CHIC1: variants seen among roughly 807,000 people sequenced by gnomAD.
CHIC1 encodes the protein cysteine rich hydrophobic domain 1.
Under a neutral mutation model 18.5 loss-of-function variants are expected in CHIC1, and 7 were observed. The observed-to-expected ratio is 0.38, with a 90% CI of 0.22 to 0.71. The LOEUF (loss-of-function observed/expected upper bound fraction) is 0.71. CHIC1 is among the 30% of genes least tolerant of loss of function. CHIC1 has a pLI of 0.49. For missense variants in CHIC1, 159 were observed against 176.9 expected (o/e 0.90, Z 0.57); for synonymous variants, 77 against 73.5 (o/e 1.05, Z -0.25).
intron 1 of CHIC1, among the ~76,000 whole-genome samples, chrX:73,575,440 G>A (rs922863361): frequency 1.8e-5 from 2 of 109,864 alleles, no homozygotes; most frequent in Non-Finnish European, 3.8e-5. Flanking sequence ...ACATCATAGA[G>A]TGTACTTACA....
At chrX:73,648,190 A>C (rs941101213) in intron 3 of CHIC1, among the ~76,000 whole-genome samples, 3 of 109,903 alleles carry the variant, frequency 2.7e-5, no homozygotes, top group African/African-American at 9.9e-5. Flanking sequence ...GTACCAACAA[A>C]AACCCCAAGG....
In CHIC1 at chrX:73,661,463, G is replaced by A. The variant is rs936470990; in HGVS notation, c.508-17863G>A. Among the ~76,000 whole-genome samples, 7 of 111,804 alleles carry A rather than the reference G, an allele frequency of 6.3e-5. No homozygotes were observed. The Admixed American group carries it at 6.7e-4, about 11-fold the overall frequency. On this transcript the variant is annotated intron_variant, in intron 3 of 5. Transcript: ENST00000373502. ...TCTCTGGGTAAGTTGAAATTGTTAA[G>A]TTTCTCCAATTTTGGTGGAAAAATT... is the stretch of plus-strand genomic sequence containing the variant.
At chrX:73,606,490 C>G (rs913770513) in intron 3 of CHIC1, among the ~76,000 whole-genome samples, 2 of 107,444 alleles carry the variant, frequency 1.9e-5, no homozygotes, top group African/African-American at 3.6e-5. Flanking sequence ...TCTGTCACTT[C>G]GCCAAACTTC....
chrX:73,670,589 C>A (rs1352018687), intron 3 of CHIC1, among the ~76,000 whole-genome samples: 2 of 106,845 alleles, frequency 1.9e-5, no homozygotes, highest in South Asian at 3.9e-4. Context: ...TATATTCTTT[C>A]TTCTATTCTT....
At chrX:73,577,162 A>T (rs1462395818) in intron 1 of CHIC1, among the ~76,000 whole-genome samples, 1 of 110,406 alleles carries the variant, frequency 9.1e-6, no homozygotes, top group African/African-American at 3.3e-5. Context: ...TTAATCCTAC[A>T]TCATGAGTTG....
intron 2 of CHIC1, among the ~76,000 whole-genome samples, chrX:73,579,961 T>A (rs1320768128): frequency 9.0e-6 from 1 of 110,668 alleles, no homozygotes; most frequent in Non-Finnish European, 1.9e-5. Flanking sequence ...TTGATGCTGC[T>A]GCATGTGTTG....
chrX:73,584,582 T>A lies in CHIC1; in HGVS notation c.507+10T>A. The A allele has an allele frequency of 9.0e-7, 1 of 1,109,117 alleles. No homozygotes were observed. The highest frequency in any genetic ancestry group is 1.2e-6 in the Non-Finnish European group (1 of 830,019). 91.4% of individuals were successfully genotyped at this position (1,109,117 alleles called of 1,213,427 possible). A position where few individuals can be genotyped will look rare whatever the true frequency, so the allele number is the denominator to read the frequency against. ...TTGTCTCAACAAAAGAGTGAGTAAC[T>A]GTTTTATTGTATAATAATAATAATA... On this transcript the variant is annotated intron_variant, in intron 3 of 5. Transcript: ENST00000373502.
intron 3 of CHIC1, among the ~76,000 whole-genome samples, chrX:73,634,937 A>G (rs2057824838): frequency 9.0e-6 from 1 of 111,063 alleles, no homozygotes; most frequent in Non-Finnish European, 1.9e-5. Context: ...ACCCTCTTTA[A>G]TGCATCCACT....
intron 3 of CHIC1, among the ~76,000 whole-genome samples, chrX:73,651,387 G>A (rs1390861465): frequency 9.1e-6 from 1 of 110,162 alleles, no homozygotes; most frequent in Non-Finnish European, 1.9e-5. Context: ...AGGGCAATCA[G>A]GCAAGAGAGA....
Position 73,668,434 on chromosome X carries a change from G to A in CHIC1, c.508-10892G>A, listed in dbSNP as rs765387480. On this transcript the variant is annotated intron_variant, in intron 3 of 5. Transcript: ENST00000373502. Reference sequence around the variant, plus strand: ...AGTGTTGTGGTCATTTGGAGGAACAGGGGCACTCTGGATTTTTTAGTTTTT... The same window carrying A: ...AGTGTTGTGGTCATTTGGAGGAACAAGGGCACTCTGGATTTTTTAGTTTTT... Among the ~76,000 whole-genome samples the A allele has an allele frequency of 6.8e-4, 76 of 112,139 alleles. 1 individual carries two copies. Among genetic ancestry groups the A allele is most frequent in the African/African-American group, 2.3e-3 (71 of 30,867 alleles).
chrX:73,580,100 T>C (rs1191588973), intron 2 of CHIC1, among the ~76,000 whole-genome samples: 1 of 110,499 alleles, frequency 9.0e-6, no homozygotes, highest in African/African-American at 3.3e-5. Flanking sequence ...ATTTTCAAAA[T>C]TGGCCAATTT....
chrX:73,577,597 A>C (rs2057506114), intron 2 of CHIC1, 136 bp downstream of exon 2: 1 of 446,586 alleles, frequency 2.2e-6, no homozygotes, highest in Non-Finnish European at 3.7e-6. Flanking sequence ...AGCTGTGTTT[A>C]TAGTGTTTGA....
intron 3 of CHIC1, among the ~76,000 whole-genome samples, chrX:73,662,075 A>T (rs1286725050): frequency 3.7e-5 from 4 of 109,504 alleles, no homozygotes; most frequent in African/African-American, 1.3e-4. Context: ...AATAAATAAA[A>T]ATAAATAATA....
At position 73,586,438 on chromosome X, in the gene CHIC1, C is replaced by T. The variant is rs2057553361; in HGVS notation, c.507+1866C>T. ...TATAAAATCAGGACACTACTAGTTACTTTTAACATGGTTTTATGATGAAAT... is the reference window on the plus strand; with the variant it reads ...TATAAAATCAGGACACTACTAGTTATTTTTAACATGGTTTTATGATGAAAT... On this transcript the variant is annotated intron_variant, in intron 3 of 5. Coordinates refer to ENST00000373502, the MANE Select transcript of CHIC1 (RefSeq NM_001039840.4). Among the ~76,000 whole-genome samples, 4 of 111,604 alleles carry T rather than the reference C, an allele frequency of 3.6e-5. No individual in the cohort carries two copies. In the Admixed American group the frequency reaches 3.8e-4, roughly 11 times the overall value.
chrX:73,563,211 C>T lies in CHIC1; in HGVS notation c.-74C>T. On this transcript the variant is annotated 5_prime_UTR_variant, in exon 1 of 6. Coordinates refer to ENST00000373502, the MANE Select transcript of CHIC1 (RefSeq NM_001039840.4). ...CCCTCCTCTTTCTCTTCATTTCGTTCCCCCTCCTCTTGCAGCACCTCGGCA... is the reference window on the plus strand; with the variant it reads ...CCCTCCTCTTTCTCTTCATTTCGTTTCCCCTCCTCTTGCAGCACCTCGGCA... 1.1e-6 allele frequency: 1 copy of T among 893,818 alleles called. No individual in the cohort carries two copies. Among genetic ancestry groups the T allele is most frequent in the East Asian group, 7.6e-5 (1 of 13,215 alleles). The allele number at this position is 893,818 out of a possible 1,213,427, so 73.7% of individuals were successfully genotyped here.
intron 3 of CHIC1, among the ~76,000 whole-genome samples, chrX:73,625,390 AAGAG>A (rs901857989): frequency 9.0e-6 from 1 of 111,342 alleles, no homozygotes; most frequent in African/African-American, 3.3e-5. Flanking sequence ...AAAGGGAAAG[AAGAG>A]AGAGAGAGAA....
chrX:73,641,267 T>G (rs932532621), intron 3 of CHIC1, among the ~76,000 whole-genome samples: 2 of 111,189 alleles, frequency 1.8e-5, no homozygotes, highest in African/African-American at 6.5e-5. Flanking sequence ...TGTGGTCAAT[T>G]TTATAATATG....
At chrX:73,580,055 TCA>T (rs1363916021) in intron 2 of CHIC1, among the ~76,000 whole-genome samples, 2 of 110,368 alleles carry the variant, frequency 1.8e-5, no homozygotes, top group Non-Finnish European at 3.8e-5. Flanking sequence ...AAAAAATATG[TCA>T]GTGTATAAAA....
At chrX:73,605,133 T>G (rs1232565019) in intron 3 of CHIC1, among the ~76,000 whole-genome samples, 1 of 108,251 alleles carries the variant, frequency 9.2e-6, no homozygotes, top group Non-Finnish European at 1.9e-5. Context: ...TGTAGGAGTC[T>G]GAGTCTCTTT....
Sources: allele counts gnomAD v4.1 joint callset (sites outside exome capture counted in the v4.1 genomes callset), GRCh38; gene constraint gnomAD v4.1.1; transcripts MANE v1.5; gene names NCBI Gene and HGNC (gene_info 2026-07-23, HGNC 2026-07-21).